Variants in SERINC1 observed in about 807,000 individuals in gnomAD.
The protein encoded by SERINC1 is tumor differentially expressed protein 2.
A neutral mutation model predicts 52.9 loss-of-function variants in SERINC1; 38 were observed. That is an observed-to-expected ratio of 0.72 (90% CI 0.55 to 0.94). SERINC1 has a LOEUF of 0.94. SERINC1 is among the 40% of genes least tolerant of loss of function. SERINC1 has a pLI of 0.00. For missense variants in SERINC1, 471 were observed against 533.9 expected (o/e 0.88, Z 1.16); for synonymous variants, 198 against 183.1 (o/e 1.08, Z -0.66).
At chr6:122,467,776 A>G (rs1372587713) in intron 1 of SERINC1, among the ~76,000 whole-genome samples, 1 of 152,190 alleles carries the variant, frequency 6.6e-6, no homozygotes, top group African/African-American at 2.4e-5. Context: ...TAGTCACAAT[A>G]ATGTTCATTT....
intron 1 of SERINC1, among the ~76,000 whole-genome samples, chr6:122,462,286 A>C (rs1465049689): frequency 1.3e-5 from 2 of 152,212 alleles, no homozygotes; most frequent in African/African-American, 4.8e-5. Context: ...CGAAAGTCTG[A>C]ATGCTTTCCC....
chr6:122,456,635 C>T lies in SERINC1; in HGVS notation c.217G>A (p.Glu73Lys), dbSNP rs749457071. Reference protein sequence around the residue: ...EQLNKIPGFCENEKGVVPCNI... With the variant: ...EQLNKIPGFCKNEKGVVPCNI... ...CAAGGGACAACACCTTTCTCATTCT[C>T]ACAAAATCCAGGAATCTAGAAAAAC... The change falls in exon 3 of 10, where the codon GAG (glutamate) becomes AAG (lysine). Residue 73 changes from glutamate (E) to lysine (K), a missense_variant. By Grantham distance (56) the Glu-to-Lys change is moderately conservative (BLOSUM62 1). Coordinates refer to ENST00000339697, the MANE Select transcript of SERINC1 (RefSeq NM_020755.4). The T allele has an allele frequency of 7.6e-6, 12 of 1,588,250 alleles. No individual in the cohort carries two copies. Among genetic ancestry groups the T allele is most frequent in the Non-Finnish European group, 8.5e-6 (10 of 1,171,722 alleles).
chr6:122,457,142 A>C (rs921734170), intron 2 of SERINC1, among the ~76,000 whole-genome samples: 1 of 152,136 alleles, frequency 6.6e-6, no homozygotes, highest in African/African-American at 2.4e-5. Context: ...GCTTAATCAC[A>C]TTCCTTAATC....
At chr6:122,448,788 A>ATTTTTTTTTTTTTTTTTTTTTTTTTTT (rs67382351) in intron 7 of SERINC1, among the ~76,000 whole-genome samples, 1 of 119,480 alleles carries the variant, frequency 8.4e-6, no homozygotes, top group Non-Finnish European at 1.7e-5. Context: ...TGCTTTGCCT[A>ATTTTTTTTTTTTTTTTTTTTTTTTTTT]TTTTTTTTTT....
chr6:122,463,425 T>C (rs1450872449), intron 1 of SERINC1, among the ~76,000 whole-genome samples: 10 of 152,144 alleles, frequency 6.6e-5, no homozygotes, highest in Admixed American at 6.5e-4. Flanking sequence ...AAGCAAGCCA[T>C]AAACTTGAAA....
chr6:122,470,003 A>G (rs1267589245), intron 1 of SERINC1, among the ~76,000 whole-genome samples: 3 of 152,232 alleles, frequency 2.0e-5, no homozygotes, highest in Admixed American at 2.0e-4. Flanking sequence ...TAATGAATAG[A>G]GACAGAGGCA....
rs1774756405 is a variant in SERINC1 at position 122,444,841 on chromosome 6, C to A, written c.*203G>T. ...CTAACTCATCACCATATTCATAAAA[C>A]TTTCCTCTGCAATTCATTCTACTTC... On this transcript the variant is annotated 3_prime_UTR_variant, in exon 10 of 10. Transcript: ENST00000339697. The A allele has an allele frequency of 3.6e-6, 2 of 551,432 alleles. No homozygotes were observed. Among genetic ancestry groups the A allele is most frequent in the Non-Finnish European group, 6.3e-6 (2 of 317,352 alleles). 34.2% of individuals were successfully genotyped at this position (551,432 alleles called of 1,614,324 possible).
chr6:122,458,510 C>G lies in SERINC1; in HGVS notation c.201+10G>C. On this transcript the variant is annotated intron_variant, in intron 2 of 9. Transcript: ENST00000339697. The stretch of plus-strand genomic sequence containing the variant: ...CCTCAGTTAATCAATAAATAAGAAA[C>G]GAGACTAACCTTATTCAGTTGTTCT... The G allele has an allele frequency of 6.3e-7, 1 of 1,599,128 alleles. No homozygotes were observed. Among genetic ancestry groups the G allele is most frequent in the South Asian group, 1.1e-5 (1 of 90,028 alleles).
At chr6:122,445,563 C>G (rs527425312) in intron 9 of SERINC1, among the ~76,000 whole-genome samples, 1 of 150,452 alleles carries the variant, frequency 6.6e-6, no homozygotes, top group Non-Finnish European at 1.5e-5. Context: ...CCCCCAACCC[C>G]CTCCCCCGCC....
At chr6:122,459,520 C>G (rs1775063012) in intron 1 of SERINC1, among the ~76,000 whole-genome samples, 1 of 152,050 alleles carries the variant, frequency 6.6e-6, no homozygotes, top group Admixed American at 6.5e-5. Context: ...AATAAAGCTG[C>G]TTTATATTAA....
rs1206334751 is a variant in SERINC1 at position 122,454,222 on chromosome 6, A to G, written c.380T>C (p.Phe127Ser). ...TGCAATTGCTGCAGCAAATTTAAAGAACCAAAATCTAAAACAAAAAGAAAT... is the reference window on the plus strand; with the variant it reads ...TGCAATTGCTGCAGCAAATTTAAAGGACCAAAATCTAAAACAAAAAGAAAT... ...PRAAVHNGFW[F>S]FKFAAAIAII... The change falls in exon 4 of 10, where the codon TTC becomes TCC. Residue 127 changes from phenylalanine (F) to serine (S), a missense_variant. By Grantham distance (155) the Phe-to-Ser change is radical. Transcript: ENST00000339697. 6.4e-7 allele frequency: 1 copy of G among 1,551,956 alleles called. No individual in the cohort carries two copies. Among genetic ancestry groups the G allele is most frequent in the Admixed American group, 1.8e-5 (1 of 55,274 alleles).
intron 6 of SERINC1, 56 bp from the exon 7 acceptor site, chr6:122,451,810 T>C: frequency 3.1e-6 from 2 of 642,582 alleles, no homozygotes; most frequent in Non-Finnish European, 4.4e-6. Context: ...CACAGGTAAA[T>C]AGTCTGACAT....
chr6:122,460,362 A>C (rs1444776685), intron 1 of SERINC1, among the ~76,000 whole-genome samples: 6 of 152,194 alleles, frequency 3.9e-5, no homozygotes, highest in Admixed American at 2.0e-4. Context: ...GGTGTGGCCC[A>C]CCGCGCCCAG....
rs767599396 is a variant in SERINC1, at chr6:122,453,887, C to A, written c.472G>T (p.Ala158Ser). The change falls in exon 5 of 10, where the codon GCA becomes TCA. Residue 158 changes from alanine (A) to serine (S), a missense_variant. Physicochemically the swap from Ala to Ser is moderately conservative, Grantham distance 99. Transcript: ENST00000339697. ...ATGAGGATGAAACAAAAGGCACCTG[C>A]CATGCCTACATAAAACCACACTGAA... ...FTTVWFYVGM[A>S]GAFCFILIQL... The A allele has an allele frequency of 6.3e-7, 1 of 1,598,110 alleles. No homozygotes were observed. Among genetic ancestry groups the A allele is most frequent in the South Asian group, 1.1e-5 (1 of 89,040 alleles).
chr6:122,451,529 C>T (rs932053490), intron 7 of SERINC1, 135 bp downstream of exon 7: 4 of 312,150 alleles, frequency 1.3e-5, no homozygotes, highest in Admixed American at 1.0e-4. Flanking sequence ...ATAAATAATA[C>T]ATCAAAGATC....
At chr6:122,470,180 G>C in intron 1 of SERINC1, among the ~76,000 whole-genome samples, 1 of 152,282 alleles carries the variant, frequency 6.6e-6, no homozygotes, top group Non-Finnish European at 1.5e-5. Flanking sequence ...CTGCACTTCA[G>C]CCCGGCCAAT....
At chr6:122,451,776 A>AAAAAAAAAAATATATATATATATATAT in intron 6 of SERINC1, 22 bp from the exon 7 acceptor site, 6 of 113,076 alleles carry the variant, frequency 5.3e-5, no homozygotes, top group Non-Finnish European at 5.4e-5. Flanking sequence ...AAAAAAAAAA[A>AAAAAAAAAAATATATATATATATATAT]ATATATATAT....
chr6:122,463,793 A>T lies in SERINC1; in HGVS notation c.40-5112T>A, dbSNP rs116182558. Among the ~76,000 whole-genome samples, 320 of 152,306 alleles carry T rather than the reference A, an allele frequency of 2.1e-3. 2 individuals are homozygous for T. Among genetic ancestry groups the T allele is most frequent in the African/African-American group, 5.9e-3 (246 of 41,588 alleles). ...TTGGAAACCAGTTTGACTGTTTCTTATTTTTAAATCAAACATGCACTTACT... is the reference window on the plus strand; with the variant it reads ...TTGGAAACCAGTTTGACTGTTTCTTTTTTTTAAATCAAACATGCACTTACT... On this transcript the variant is annotated intron_variant, in intron 1 of 9. Transcript: ENST00000339697.
intron 1 of SERINC1, among the ~76,000 whole-genome samples, chr6:122,467,225 C>T (rs1485088167): frequency 6.6e-6 from 1 of 152,164 alleles, no homozygotes; most frequent in Non-Finnish European, 1.5e-5. Context: ...GGAGAGATAA[C>T]CTCCAAGGTT....
Sources: gnomAD v4.1 joint callset for allele counts (sites outside exome capture counted in the v4.1 genomes callset) on GRCh38, gnomAD v4.1.1 for gene constraint, MANE v1.5 for transcripts, NCBI Gene and HGNC (gene_info 2026-07-23, HGNC 2026-07-21) for gene names.